Variants in PIGN observed in about 807,000 individuals in gnomAD.
The protein encoded by PIGN is GPI ethanolamine phosphate transferase 1.
A neutral mutation model predicts 125.4 loss-of-function variants in PIGN; 117 were observed. The observed-to-expected ratio is 0.93, with a 90% CI of 0.80 to 1.09. PIGN has a LOEUF of 1.09. Among genes scored for constraint, PIGN ranks in the 50% least tolerant of loss-of-function variants. PIGN has a pLI of 0.00. For missense variants in PIGN, 1,075 were observed against 1,094.9 expected, an observed-to-expected ratio of 0.98 and a Z score of 0.26; for synonymous variants, 392 against 377.8, an observed-to-expected ratio of 1.04 and a Z score of -0.44.
At chr18:62,092,419 T>G (rs1013407610) in intron 23 of PIGN, among the ~76,000 whole-genome samples, 1 of 151,974 alleles carries the variant, frequency 6.6e-6, no homozygotes, top group Non-Finnish European at 1.5e-5. Flanking sequence ...CCAAATACAC[T>G]ATATGAGAAG....
downstream of PIGN, among the ~76,000 whole-genome samples, chr18:62,039,992 C>A (rs528827): frequency 5.2e-5 from 4 of 77,196 alleles, no homozygotes; most frequent in Non-Finnish European, 1.0e-4. Flanking sequence ...GTGCCGCACC[C>A]CATGTTTAGG....
intron 25 of PIGN, among the ~76,000 whole-genome samples, chr18:62,085,821 A>G (rs1052573915): frequency 3.3e-5 from 5 of 152,226 alleles, no homozygotes; most frequent in African/African-American, 9.6e-5. Flanking sequence ...TAAAACATTG[A>G]TATTAATCTT....
Position 62,058,377 on chromosome 18 carries a change from A to G in PIGN, c.2673-12398T>C, listed in dbSNP as rs371922669. 5.6e-4 allele frequency among the ~76,000 whole-genome samples: 86 copies of G among 152,296 alleles called. 1 individual carries two copies. The South Asian group carries it at 0.017, about 31-fold the overall frequency. Reference sequence around the variant, plus strand: ...GACTACCAAGTGACCGGAAAGTTCTAAGGAGGACTGCCTCCTAGAAAACTC... The same window carrying G: ...GACTACCAAGTGACCGGAAAGTTCTGAGGAGGACTGCCTCCTAGAAAACTC... On this transcript the variant is annotated intron_variant, in intron 30 of 30. Coordinates refer to ENST00000640252, the MANE Select transcript of PIGN (RefSeq NM_176787.5).
intron 7 of PIGN, among the ~76,000 whole-genome samples, chr18:62,152,868 AT>A (rs67953114): frequency 0.081 from 11,682 of 144,746 alleles, 1,481 homozygotes; most frequent in African/African-American, 0.27. Flanking sequence ...ATATATATAT[AT>A]TTTTTTTTTT....
At chr18:62,086,497 G>T (rs758576889) in intron 25 of PIGN, among the ~76,000 whole-genome samples, 2 of 151,990 alleles carry the variant, frequency 1.3e-5, no homozygotes, top group African/African-American at 4.8e-5. Flanking sequence ...CACGCCTATA[G>T]TCCCAGCTAC....
intron 30 of PIGN, among the ~76,000 whole-genome samples, chr18:62,059,498 A>G (rs1309465269): frequency 6.6e-6 from 1 of 152,238 alleles, no homozygotes; most frequent in Admixed American, 6.5e-5. Flanking sequence ...ACATGCTGCA[A>G]TATAGATGAA....
At chr18:62,110,111 C>T (rs944050253) in intron 16 of PIGN, 138 bp from the exon 17 acceptor site, 1 of 702,370 alleles carries the variant, frequency 1.4e-6, no homozygotes, top group East Asian at 2.8e-5. Context: ...CAAAGAGCTG[C>T]ATTAAGACAA....
At chr18:62,153,376 A>G (rs1366371094) in intron 7 of PIGN, 1 of 152,078 alleles carries the variant, frequency 6.6e-6, no homozygotes, top group African/African-American at 2.4e-5. Flanking sequence ...TTTTCTGTTC[A>G]CTACCGTGTC....
intron 7 of PIGN, 113 bp downstream of exon 7, chr18:62,154,432 G>A (rs1422253788): frequency 1.5e-6 from 1 of 669,386 alleles, no homozygotes; most frequent in Admixed American, 2.8e-5. Flanking sequence ...AGAACAGTGT[G>A]CTACAACATA....
chr18:62,035,539 T>A (rs1273908318), intron 23 of PIGN, among the ~76,000 whole-genome samples: 1 of 152,192 alleles, frequency 6.6e-6, no homozygotes, highest in Admixed American at 6.5e-5. Context: ...ATCTTTTTTT[T>A]ATTGTACTTT....
chr18:62,182,202 G>T (rs1455587246), intron 1 of PIGN, among the ~76,000 whole-genome samples: 1 of 152,054 alleles, frequency 6.6e-6, no homozygotes, highest in African/African-American at 2.4e-5. Flanking sequence ...TTCTATCCTG[G>T]CAAGTTTCAT....
rs1225145669 is a variant in PIGN, at chr18:62,090,520, CTA to C, written c.2237_2238del (p.Ile746ArgfsTer13). 3 of 1,610,806 alleles carry C rather than the reference CTA, an allele frequency of 1.9e-6. No homozygotes were observed. The highest frequency in any genetic ancestry group is 2.5e-6 in the Non-Finnish European group (3 of 1,178,304). Reference protein sequence around the residue: ...LSCLMFVWINIEQETLQQSGV... With the variant: ...LSCLMFVWINXEQETLQQSGV... ...CCAGATTGTTGTAGAGTTTCTTGTT[CTA>C]TGTTTATCCAGACAAACATCAAACA... On this transcript the variant is annotated frameshift_variant, in exon 24 of 31. Coordinates refer to ENST00000640252, the MANE Select transcript of PIGN (RefSeq NM_176787.5). LOFTEE classifies it high-confidence loss of function.
At chr18:62,092,108 A>C (rs572997145) in intron 23 of PIGN, among the ~76,000 whole-genome samples, 48 of 152,336 alleles carry the variant, frequency 3.2e-4, no homozygotes, top group Non-Finnish European at 6.0e-4. Flanking sequence ...CAGAAAGCAT[A>C]CACAAATCAC....
chr18:62,082,887 A>ATTT, intron 27 of PIGN, 141 bp from the exon 28 acceptor site: 1 of 561,468 alleles, frequency 1.8e-6, no homozygotes, highest in East Asian at 2.9e-5. Flanking sequence ...AAACACTGAA[A>ATTT]TAAAAGCATG....
In PIGN at chr18:62,113,138, A is replaced by T. The variant is rs1375506054; in HGVS notation, c.1430T>A (p.Val477Glu). ...CCTCACATTTTCTAAACGTACCTTC[A>T]CTTCTTTACTAACACCTTTTATAAG... is the stretch of plus-strand genomic sequence containing the variant. ...SNLIKGVSKEVKKPSHLLPCS... is the reference protein window; with the variant it reads ...SNLIKGVSKEEKKPSHLLPCS... Residue 477 changes from valine to glutamate, a missense_variant, in exon 16 of 31, where the codon GTG becomes GAG. Physicochemically the swap from Val to Glu is moderately radical, Grantham distance 121. Around this residue, in one of 3 missense-constraint regions of PIGN, gnomAD observed 915 missense variants for 908.7 expected, o/e 1.01. Coordinates refer to ENST00000640252, the MANE Select transcript of PIGN (RefSeq NM_176787.5). 1.9e-6 allele frequency: 3 copies of T among 1,603,522 alleles called. No individual in the cohort carries two copies. The African/African-American group carries it at 4.0e-5, about 21-fold the overall frequency.
chr18:62,139,332 C>T (rs1015395908), intron 12 of PIGN, among the ~76,000 whole-genome samples: 1 of 152,188 alleles, frequency 6.6e-6, no homozygotes, highest in East Asian at 1.9e-4. Context: ...GAGATAACTA[C>T]GTGCTAGGTA....
chr18:62,169,374 TAA>T (rs1471789153), intron 1 of PIGN, among the ~76,000 whole-genome samples: 2 of 152,236 alleles, frequency 1.3e-5, no homozygotes, highest in Non-Finnish European at 2.9e-5. Context: ...GTGTTGTTTC[TAA>T]AAGTTTTTGG....
At chr18:62,079,869 T>A (rs1308346915) in intron 28 of PIGN, among the ~76,000 whole-genome samples, 1 of 152,036 alleles carries the variant, frequency 6.6e-6, no homozygotes. Context: ...CTACTTCATA[T>A]AAAATTAATT....
intron 6 of PIGN, among the ~76,000 whole-genome samples, chr18:62,155,996 A>G (rs765054021): frequency 2.0e-5 from 3 of 152,208 alleles, no homozygotes; most frequent in African/African-American, 7.2e-5. Context: ...ATAATCTTCA[A>G]TAGTTCCCAT....
Sources: gnomAD v4.1 joint callset for allele counts (sites outside exome capture counted in the v4.1 genomes callset) on GRCh38, gnomAD v4.1.1 for gene constraint, gnomAD v4.1.1 regional missense constraint, MANE v1.5 for transcripts, NCBI Gene and HGNC (gene_info 2026-07-23, HGNC 2026-07-21) for gene names.